The following PACSIN3 variants were observed in gnomAD, a reference collection of about 807,000 sequenced individuals.
The protein encoded by PACSIN3 is protein kinase C and casein kinase substrate in neurons protein 3.
PACSIN3 carries 34 observed loss-of-function variants against 56.1 expected under a neutral mutation model. The observed-to-expected ratio is 0.61, with a 90% CI of 0.46 to 0.81. The LOEUF is 0.81. Among genes scored for constraint, PACSIN3 ranks in the 30% least tolerant of loss-of-function variants. The pLI, the probability that PACSIN3 is intolerant of heterozygous loss-of-function variation, is 0.00. For missense variants in PACSIN3, 535 were observed against 592.4 expected (o/e 0.90, Z 1.01); for synonymous variants, 218 against 229.8 (o/e 0.95, Z 0.46).
rs577969238 is a variant in PACSIN3 at position 47,179,784 on chromosome 11, A to G, written c.604-198T>C. 1 of 588,966 alleles carries G rather than the reference A, an allele frequency of 1.7e-6. No individual in the cohort carries two copies. Among genetic ancestry groups the G allele is most frequent in the African/African-American group, 1.9e-5 (1 of 53,816 alleles). 36.5% of individuals were successfully genotyped at this position (588,966 alleles called of 1,614,324 possible). On this transcript the variant is annotated intron_variant, in intron 6 of 10. Coordinates refer to ENST00000298838, the MANE Select transcript of PACSIN3 (RefSeq NM_016223.5). This position sits in a 1 kb window ranked among gnomAD's most constrained non-coding sequence, Gnocchi z 4.4. ...TGACATCAGGCACAGCATATAAAAG[A>G]GTCTGGTGAGGATTGAAATGAGGTC...
In PACSIN3 at chr11:47,179,015, T is replaced by C; in HGVS notation, c.916A>G (p.Thr306Ala). 6.2e-7 allele frequency: 1 copy of C among 1,614,120 alleles called. No individual in the cohort carries two copies. The highest frequency in any genetic ancestry group is 8.5e-7 in the Non-Finnish European group (1 of 1,180,006). Residue 306 changes from threonine to alanine, a missense_variant, in exon 9 of 11, where the codon ACA becomes GCA. Transcript: ENST00000298838. This position sits in a 1 kb window ranked among gnomAD's most constrained non-coding sequence, Gnocchi z 4.4. ...TCTTTCCGGCTGATTGTCCTCTGTG[T>C]GTCCAAGGACCACTCCTGTGGGGAC... Reference protein sequence around the residue: ...WPQFEEWSLDTQRTISRKEKG... With the variant: ...WPQFEEWSLDAQRTISRKEKG...
At chr11:47,184,107 G>C (rs1953078213) in intron 1 of PACSIN3, among the ~76,000 whole-genome samples, 2 of 152,036 alleles carry the variant, frequency 1.3e-5, no homozygotes, top group Admixed American at 6.5e-5. Context: ...GGACACAGTG[G>C]CATGTGGCTG....
chr11:47,182,845 C>A, intron 2 of PACSIN3, 81 bp from the exon 3 acceptor site: 1 of 1,047,880 alleles, frequency 9.5e-7, no homozygotes, highest in Non-Finnish European at 1.4e-6. Context: ...ATACCTGGGC[C>A]TCGCCCCACT....
rs1952931880 is a variant in PACSIN3 at position 47,178,354 on chromosome 11, G to T, written c.1159+12C>A. On this transcript the variant is annotated intron_variant, in intron 10 of 10. Coordinates refer to ENST00000298838, the MANE Select transcript of PACSIN3 (RefSeq NM_016223.5). The surrounding 1 kb of genome is among the most constrained non-coding windows in gnomAD (Gnocchi z 4.2). Reference sequence around the variant, plus strand: ...GGCAGAGGCTGAAGCTAGGAAAGGGGTCCCAGGGTACCTGCTCGGAAGCTC... The same window carrying T: ...GGCAGAGGCTGAAGCTAGGAAAGGGTTCCCAGGGTACCTGCTCGGAAGCTC... 6.2e-7 allele frequency: 1 copy of T among 1,613,294 alleles called. No individual in the cohort carries two copies.
intron 1 of PACSIN3, chr11:47,185,182 C>T (rs993587364): frequency 1.3e-5 from 2 of 152,412 alleles, no homozygotes; most frequent in Admixed American, 1.3e-4. Context: ...TCCGAGAGGT[C>T]TTCCTGGGCT....
At chr11:47,180,379 A>T (rs116214112) in intron 5 of PACSIN3, 38 bp from the exon 6 acceptor site, 1 of 1,600,302 alleles carries the variant, frequency 6.2e-7, no homozygotes, top group Admixed American at 1.7e-5. Context: ...CCTGGATGCC[A>T]CACCTTGGCC....
chr11:47,180,120 G>A (rs1261120458), intron 6 of PACSIN3, 66 bp downstream of exon 6: 7 of 1,458,548 alleles, frequency 4.8e-6, no homozygotes, highest in Non-Finnish European at 6.6e-6. Flanking sequence ...AGATGTTCAG[G>A]GAGCAAGATT....
rs889119992 is a variant in PACSIN3, at chr11:47,178,977, C to G, written c.954G>C (p.Arg318=). 8 of 1,613,958 alleles carry G rather than the reference C, an allele frequency of 5.0e-6. No homozygotes were observed. Among genetic ancestry groups the G allele is most frequent in the African/African-American group, 1.3e-5 (1 of 74,916 alleles). ...RTISRKEKGG[R]SPDEVTLTSI... ...TGGTCAGGGTAACCTCATCAGGGCT[C>G]CGGCCACCCTTCTCTTTCCGGCTGA... The change falls in exon 9 of 11, where the codon CGG becomes CGC. Residue 318 remains arginine (R), a synonymous_variant. Coordinates refer to ENST00000298838, the MANE Select transcript of PACSIN3 (RefSeq NM_016223.5). The surrounding 1 kb of genome is among the most constrained non-coding windows in gnomAD (Gnocchi z 4.2).
At chr11:47,180,777 A>G in intron 4 of PACSIN3, 87 bp from the exon 5 acceptor site, 12 of 1,052,964 alleles carry the variant, frequency 1.1e-5, no homozygotes, top group Non-Finnish European at 1.4e-5. Flanking sequence ...GCATGGAGGC[A>G]TGGGGTACGC....
At chr11:47,183,363 T>A (rs1953065065) in intron 1 of PACSIN3, 1 of 152,304 alleles carries the variant, frequency 6.6e-6, no homozygotes, top group South Asian at 2.1e-4. Context: ...AGAGGGTGCC[T>A]GGCCACATCC....
chr11:47,182,492 C>G lies in PACSIN3; in HGVS notation c.122G>C (p.Ser41Thr). 6.2e-7 allele frequency: 1 copy of G among 1,611,364 alleles called. No homozygotes were observed. Among genetic ancestry groups the G allele is most frequent in the Non-Finnish European group, 8.5e-7 (1 of 1,179,974 alleles). Residue 41 changes from serine to threonine, a missense_variant, in exon 4 of 11, where the codon AGC becomes ACC. Transcript: ENST00000298838. ...DGHRLCGDLVSCFQERARIEK... is the reference protein window; with the variant it reads ...DGHRLCGDLVTCFQERARIEK... ...GATGCGGGCGCGCTCCTGGAAGCAG[C>G]TGACCAGGTCCCCGCACAGCCGGTG...
intron 4 of PACSIN3, among the ~76,000 whole-genome samples, chr11:47,181,487 C>G (rs1276908044): frequency 6.6e-6 from 1 of 152,068 alleles, no homozygotes; most frequent in Non-Finnish European, 1.5e-5. Context: ...TCCAGTTTCT[C>G]CTCTAGAAAA....
chr11:47,185,027 G>C (rs1953093227), intron 1 of PACSIN3, among the ~76,000 whole-genome samples: 1 of 152,230 alleles, frequency 6.6e-6, no homozygotes, highest in South Asian at 2.1e-4. Flanking sequence ...CAAGCAAGGA[G>C]GGCTTGCACC....
At chr11:47,180,150 TG>T in intron 6 of PACSIN3, 35 bp downstream of exon 6, 3 of 1,586,266 alleles carry the variant, frequency 1.9e-6, no homozygotes, top group Non-Finnish European at 1.7e-6. Context: ...AGCCGTGCCC[TG>T]GGCGGGGGCC....
Position 47,177,677 on chromosome 11 carries a change from G to T in PACSIN3, c.*254C>A. 1.9e-6 allele frequency: 1 copy of T among 526,194 alleles called. No homozygotes were observed. Among genetic ancestry groups the T allele is most frequent in the Non-Finnish European group, 3.4e-6 (1 of 295,808 alleles). 32.6% of individuals were successfully genotyped at this position (526,194 alleles called of 1,614,324 possible). On this transcript the variant is annotated 3_prime_UTR_variant, in exon 11 of 11. Transcript: ENST00000298838. ...AGGAACTGAGTCCACAGCTCCTGGG[G>T]AGGCCCAGGCACCCCTGAACGCTTC...
At position 47,179,344 on chromosome 11, in the gene PACSIN3, G is replaced by C; in HGVS notation, c.780-65C>G. On this transcript the variant is annotated intron_variant, in intron 7 of 10. Coordinates refer to ENST00000298838, the MANE Select transcript of PACSIN3 (RefSeq NM_016223.5). This position sits in a 1 kb window ranked among gnomAD's most constrained non-coding sequence, Gnocchi z 4.4. The stretch of plus-strand genomic sequence containing the variant: ...ACCCTGCATCCCTCAGTCCCAGCCA[G>C]GGCCTCGGGGAGATGGAGGAGACCC... 6.2e-7 allele frequency: 1 copy of C among 1,613,276 alleles called. No individual in the cohort carries two copies.
intron 1 of PACSIN3, chr11:47,184,333 A>G (rs1291086085): frequency 6.6e-6 from 1 of 152,096 alleles, no homozygotes; most frequent in East Asian, 1.9e-4. Flanking sequence ...CAATTAAGGC[A>G]TCTTCTCCTC....
chr11:47,181,878 T>C (rs986048203), intron 4 of PACSIN3, among the ~76,000 whole-genome samples: 1 of 151,196 alleles, frequency 6.6e-6, no homozygotes, highest in Non-Finnish European at 1.5e-5. Flanking sequence ...GAAGGCCAGA[T>C]GCAGTGGCTC....
chr11:47,183,385 T>C (rs1953065397), intron 1 of PACSIN3: 1 of 152,304 alleles, frequency 6.6e-6, no homozygotes, highest in Non-Finnish European at 1.5e-5. Flanking sequence ...AGTAGCTCCC[T>C]GTACTGAGGA....
Sources: gnomAD v4.1 joint callset for allele counts (sites outside exome capture counted in the v4.1 genomes callset) on GRCh38, gnomAD v4.1.1 for gene constraint, Gnocchi (gnomAD v3.1) non-coding constraint, MANE v1.5 for transcripts, NCBI Gene and HGNC (gene_info 2026-07-23, HGNC 2026-07-21) for gene names.